The following LRRC39 variants were observed in gnomAD, a reference collection of about 807,000 sequenced individuals.
LRRC39 encodes leucine-rich repeat-containing protein 39.
LRRC39 carries 35 observed loss-of-function variants against 39.7 expected under a neutral mutation model. That is an observed-to-expected ratio of 0.88 (90% CI 0.67 to 1.17). The LOEUF (loss-of-function observed/expected upper bound fraction) is 1.17, where lower values mean the gene tolerates loss of function less well. Ranked by LOEUF, LRRC39 falls within the 50% of genes most tolerant of loss-of-function variation. LRRC39 has a pLI of 0.00. For synonymous variants in LRRC39, 113 were observed against 134.1 expected, an observed-to-expected ratio of 0.84 and a Z score of 1.09; for missense variants, 357 against 385.8, an observed-to-expected ratio of 0.93 and a Z score of 0.62.
chr1:100,165,666 C>T (rs946577555), intron 3 of LRRC39, among the ~76,000 whole-genome samples: 2 of 152,130 alleles, frequency 1.3e-5, no homozygotes, highest in Non-Finnish European at 2.9e-5. Context: ...TCAATTGCTT[C>T]CAAGTCCAAG....
At position 100,148,454 on chromosome 1, in the gene LRRC39, A is replaced by G. The variant is rs1042267472; in HGVS notation, c.*588T>C. On this transcript the variant is annotated 3_prime_UTR_variant, in exon 10 of 10. Transcript: ENST00000370137. ...ATCTAATTTTAGAATAAGCTAAAATATACACATCTTTTATTGTGGTCATAA... is the reference window on the plus strand; with the variant it reads ...ATCTAATTTTAGAATAAGCTAAAATGTACACATCTTTTATTGTGGTCATAA... The G allele has an allele frequency of 5.3e-6, 6 of 1,130,248 alleles. No individual in the cohort carries two copies. In the Admixed American group the frequency reaches 7.3e-5, roughly 14 times the overall value. 70.0% of individuals were successfully genotyped at this position (1,130,248 alleles called of 1,614,324 possible). A position where few individuals can be genotyped will look rare whatever the true frequency, so the allele number is the denominator to read the frequency against.
At position 100,158,248 on chromosome 1, in the gene LRRC39, A is replaced by C. The variant is rs1658603791; in HGVS notation, c.496T>G (p.Cys166Gly). The stretch of plus-strand genomic sequence containing the variant: ...TTTCTAACCTCTTGTGGAAGATCAC[A>C]TATATCTCTGTTAACAGCCAGTTCT... ...KLELAVNRDI[C>G]DLPQELSNLL... The change falls in exon 6 of 10, where the codon TGT becomes GGT. Residue 166 changes from cysteine (C) to glycine (G), a missense_variant. Coordinates refer to ENST00000370137, the MANE Select transcript of LRRC39 (RefSeq NM_144620.4). 1 of 1,613,926 alleles carries C rather than the reference A, an allele frequency of 6.2e-7. No individual in the cohort carries two copies. Among genetic ancestry groups the C allele is most frequent in the South Asian group, 1.1e-5 (1 of 91,070 alleles).
chr1:100,172,711 A>G (rs1174997070), intron 2 of LRRC39, among the ~76,000 whole-genome samples: 1 of 152,114 alleles, frequency 6.6e-6, no homozygotes, highest in African/African-American at 2.4e-5. Flanking sequence ...CTGTAGTCCC[A>G]GCACTTTGGG....
chr1:100,149,274 T>C, intron 9 of LRRC39, 177 bp from the exon 10 acceptor site: 5 of 1,522,606 alleles, frequency 3.3e-6, no homozygotes, highest in Non-Finnish European at 4.4e-6. Context: ...CATTTTTCCC[T>C]ACAGATCTGG....
intron 1 of LRRC39, among the ~76,000 whole-genome samples, chr1:100,173,876 T>A (rs1186012835): frequency 5.3e-5 from 8 of 152,070 alleles, no homozygotes; most frequent in Non-Finnish European, 1.2e-4. Context: ...TTCTTAACAA[T>A]GAACAGAATA....
At chr1:100,172,503 A>T (rs921600209) in intron 2 of LRRC39, among the ~76,000 whole-genome samples, 1 of 151,490 alleles carries the variant, frequency 6.6e-6, no homozygotes, top group Non-Finnish European at 1.5e-5. Context: ...CCTGGACAAC[A>T]TGGTGAAACC....
At chr1:100,150,768 CTCT>C (rs2101757838) in intron 9 of LRRC39, among the ~76,000 whole-genome samples, 1 of 152,228 alleles carries the variant, frequency 6.6e-6, no homozygotes, top group African/African-American at 2.4e-5. Flanking sequence ...TTCAACAAAC[CTCT>C]TCTTGAACTT....
At chr1:100,169,908 C>G (rs1347311414) in intron 2 of LRRC39, among the ~76,000 whole-genome samples, 1 of 152,152 alleles carries the variant, frequency 6.6e-6, no homozygotes, top group Admixed American at 6.5e-5. Context: ...TATACTCTTA[C>G]TACCACTGTA....
Position 100,158,275 on chromosome 1 carries a change from G to C in LRRC39, c.469C>G (p.Leu157Val), listed in dbSNP as rs375495272. The C allele has an allele frequency of 2.5e-6, 4 of 1,613,892 alleles. No homozygotes were observed. The African/African-American group carries it at 5.3e-5, about 22-fold the overall frequency. Residue 157 changes from leucine to valine, a missense_variant, in exon 6 of 10, where the codon CTA becomes GTA. By Grantham distance (32) the Leu-to-Val change is conservative. Transcript: ENST00000370137. ...ATATCTCTGTTAACAGCCAGTTCTA[G>C]TTTCTCCAAGCTGGCACAATTACTT... The part of the protein sequence containing the change: ...ELSNCASLEK[L>V]ELAVNRDICD...
At position 100,150,356 on chromosome 1, in the gene LRRC39, A is replaced by G. The variant is rs372505953; in HGVS notation, c.953-1259T>C. 4.6e-5 allele frequency: 7 copies of G among 152,184 alleles called. No individual in the cohort carries two copies. The South Asian group carries it at 6.2e-4, about 13-fold the overall frequency. The allele number at this position is 152,184 out of a possible 1,614,324, so 9.4% of individuals were successfully genotyped here. The stretch of plus-strand genomic sequence containing the variant: ...TTTAAGTTAGTTACCCATGTCCCCA[A>G]TCAAGGGAACCTAAATGAAGATATA... On this transcript the variant is annotated intron_variant, in intron 9 of 9. Transcript: ENST00000370137.
At chr1:100,155,279 T>C (rs1186240225) in intron 7 of LRRC39, 76 bp from the exon 8 acceptor site, 1 of 1,294,428 alleles carries the variant, frequency 7.7e-7, no homozygotes, top group African/African-American at 1.5e-5. Context: ...CAAATAATTT[T>C]AAGAGGTAGG....
intron 9 of LRRC39, chr1:100,149,670 GA>G (rs1657761276): frequency 3.0e-6 from 1 of 337,130 alleles, no homozygotes; most frequent in African/African-American, 2.2e-5. Flanking sequence ...ATTAGATAAT[GA>G]AACCAAAAAC....
rs376104018 is a variant in LRRC39 at position 100,155,178 on chromosome 1, G to T, written c.685C>A (p.Leu229Met). Residue 229 changes from leucine (L) to methionine (M), a missense_variant, in exon 8 of 10, where the codon CTG (leucine) becomes ATG (methionine). Leu to Met is a conservative substitution (Grantham distance 15). Transcript: ENST00000370137. ...AAGCATGTTATTTCATTTCGTTGCA[G>T]CCATAACGTATGTAGATTTTGCATT... ...ERMQNLHTLW[L>M]QRNEITCLPQ... The T allele has an allele frequency of 1.3e-5, 21 of 1,603,162 alleles. No homozygotes were observed. Among genetic ancestry groups the T allele is most frequent in the Non-Finnish European group, 1.7e-5 (20 of 1,176,710 alleles).
intron 6 of LRRC39, among the ~76,000 whole-genome samples, chr1:100,157,041 G>T (rs969183789): frequency 2.0e-5 from 3 of 152,068 alleles, no homozygotes; most frequent in African/African-American, 7.2e-5. Context: ...TAATGATGGA[G>T]CCAACCCAGA....
At chr1:100,172,113 C>G (rs546768239) in intron 2 of LRRC39, among the ~76,000 whole-genome samples, 51 of 152,224 alleles carry the variant, frequency 3.4e-4, no homozygotes, top group Middle Eastern at 6.8e-3. Flanking sequence ...AATCTAAAAT[C>G]TCTCCACAAA....
At position 100,155,216 on chromosome 1, in the gene LRRC39, G is replaced by C. The variant is rs765915801; in HGVS notation, c.660-13C>G. On this transcript the variant is annotated splice_polypyrimidine_tract_variant and intron_variant, in intron 7 of 9. Transcript: ENST00000370137. ...TAGATTTTGCATTCTGAAAAATTAA[G>C]GTTTCTACAATTAATTACATATAAT... The C allele has an allele frequency of 6.4e-7, 1 of 1,565,806 alleles. No homozygotes were observed. Among genetic ancestry groups the C allele is most frequent in the South Asian group, 1.2e-5 (1 of 82,964 alleles).
upstream of LRRC39, among the ~76,000 whole-genome samples, chr1:100,178,948 C>T (rs1660121212): frequency 6.6e-6 from 1 of 152,038 alleles, no homozygotes; most frequent in South Asian, 2.1e-4. Flanking sequence ...AATTTACGAG[C>T]TTAAATATGC....
At chr1:100,153,533 T>C (rs921613569) in intron 8 of LRRC39, among the ~76,000 whole-genome samples, 1 of 152,058 alleles carries the variant, frequency 6.6e-6, no homozygotes, top group Non-Finnish European at 1.5e-5. Flanking sequence ...GGAGAAAATA[T>C]ATGTAAATTA....
intron 3 of LRRC39, among the ~76,000 whole-genome samples, chr1:100,164,828 G>C (rs1213474587): frequency 6.6e-6 from 1 of 151,778 alleles, no homozygotes; most frequent in East Asian, 1.9e-4. Context: ...TCACCCCTCT[G>C]CCTCCCAAGT....
Sources: allele counts gnomAD v4.1 joint callset (sites outside exome capture counted in the v4.1 genomes callset), GRCh38; gene constraint gnomAD v4.1.1; transcripts MANE v1.5; gene names NCBI Gene and HGNC (gene_info 2026-07-23, HGNC 2026-07-21).